The following SEC22C variants were observed in gnomAD, a reference collection of about 807,000 sequenced individuals.
SEC22C encodes vesicle-trafficking protein SEC22c.
In SEC22C, 29 loss-of-function variants were observed where a neutral mutation model predicts 34.7. The observed-to-expected ratio is 0.84, with a 90% CI of 0.62 to 1.14. The LOEUF (loss-of-function observed/expected upper bound fraction) is 1.14. SEC22C is among the 50% of genes most tolerant of loss of function. SEC22C has a pLI of 0.00. For synonymous variants in SEC22C, 117 were observed against 132.8 expected (o/e 0.88, Z 0.82); for missense variants, 337 against 369.0 (o/e 0.91, Z 0.71).
intron 4 of SEC22C, among the ~76,000 whole-genome samples, chr3:42,560,001 C>A (rs940228983): frequency 2.0e-5 from 3 of 151,532 alleles, no homozygotes; most frequent in Admixed American, 6.6e-5. Context: ...TGGCTCCAGC[C>A]CCCTGTCCAA....
At chr3:42,595,465 T>C (rs1360038594) in intron 1 of SEC22C, among the ~76,000 whole-genome samples, 1 of 152,220 alleles carries the variant, frequency 6.6e-6, no homozygotes. Flanking sequence ...TTAGCAGGAA[T>C]ATATTAGAAG....
intron 1 of SEC22C, among the ~76,000 whole-genome samples, chr3:42,589,959 C>T (rs1704760166): frequency 1.3e-5 from 2 of 152,132 alleles, no homozygotes; most frequent in African/African-American, 4.8e-5. Context: ...TGGGCAGTCC[C>T]GGGTTGTTAA....
chr3:42,560,251 AGAAT>A (rs1702819024), intron 4 of SEC22C, among the ~76,000 whole-genome samples: 1 of 147,830 alleles, frequency 6.8e-6, no homozygotes, highest in South Asian at 2.1e-4. Context: ...ATAGAAAAAG[AGAAT>A]GAATCTTCTT....
Position 42,548,692 on chromosome 3 carries a change from T to G in SEC22C, c.*4556A>C. ...ACCAAACATCAATGGTACCATGCGC[T>G]CTGTGCCCAGGGAGTGAAAGGCAGG... is the stretch of plus-strand genomic sequence containing the variant. On this transcript the variant is annotated 3_prime_UTR_variant, in exon 7 of 7. Coordinates refer to ENST00000264454, the MANE Select transcript of SEC22C (RefSeq NM_032970.4). The G allele has an allele frequency of 5.6e-6, 9 of 1,613,924 alleles. No individual in the cohort carries two copies. Among genetic ancestry groups the G allele is most frequent in the Non-Finnish European group, 7.6e-6 (9 of 1,179,940 alleles).
intron 1 of SEC22C, among the ~76,000 whole-genome samples, chr3:42,587,786 T>C (rs1489575871): frequency 6.6e-6 from 1 of 151,298 alleles, no homozygotes; most frequent in Non-Finnish European, 1.5e-5. Context: ...AAACCTTCGC[T>C]TTAGGCCAGG....
intron 5 of SEC22C, 21 bp downstream of exon 5, chr3:42,557,557 T>TAA (rs1553643864): frequency 5.4e-4 from 537 of 1,003,276 alleles, no homozygotes; most frequent in Admixed American, 1.9e-3. Flanking sequence ...TAAACTGTTT[T>TAA]AAAAAAAAAA....
chr3:42,556,694 A>C (rs1186249602), intron 5 of SEC22C, among the ~76,000 whole-genome samples: 1 of 152,120 alleles, frequency 6.6e-6, no homozygotes, highest in Non-Finnish European at 1.5e-5. Flanking sequence ...TGTTGATGCT[A>C]ATAATGGTTT....
intron 1 of SEC22C, among the ~76,000 whole-genome samples, chr3:42,596,468 C>T (rs1295411460): frequency 1.3e-5 from 2 of 152,194 alleles, no homozygotes; most frequent in African/African-American, 4.8e-5. Context: ...CCTGAAAATT[C>T]GTACTACCAG....
rs185599639 is a variant in SEC22C, at chr3:42,552,769, T to A, written c.*479A>T. 4.1e-6 allele frequency: 4 copies of A among 983,468 alleles called. No homozygotes were observed. The East Asian group carries it at 4.5e-4, about 112-fold the overall frequency. 60.9% of individuals were successfully genotyped at this position (983,468 alleles called of 1,614,324 possible). ...TTATCTAGCTTACATTTATGAACCA[T>A]ATTTTTAGGTTTTTAATTCATCCTG... is the stretch of plus-strand genomic sequence containing the variant. On this transcript the variant is annotated 3_prime_UTR_variant, in exon 7 of 7. Transcript: ENST00000264454.
In SEC22C at chr3:42,550,399, T is replaced by A. The variant is rs922036610; in HGVS notation, c.*2849A>T. ...GGAACCAGTTTGCTGGTATCAAGGATCACACAAGAGGCTATAAACCTCCAA... is the reference window on the plus strand; with the variant it reads ...GGAACCAGTTTGCTGGTATCAAGGAACACACAAGAGGCTATAAACCTCCAA... On this transcript the variant is annotated 3_prime_UTR_variant, in exon 7 of 7. Coordinates refer to ENST00000264454, the MANE Select transcript of SEC22C (RefSeq NM_032970.4). 2.0e-6 allele frequency: 2 copies of A among 985,306 alleles called. No individual in the cohort carries two copies. The highest frequency in any genetic ancestry group is 3.5e-5 in the African/African-American group (2 of 57,226). The allele number at this position is 985,306 out of a possible 1,614,324, so 61.0% of individuals were successfully genotyped here.
chr3:42,563,882 T>G, intron 2 of SEC22C, 196 bp from the exon 3 acceptor site: 1 of 1,469,706 alleles, frequency 6.8e-7, no homozygotes, highest in Non-Finnish European at 9.1e-7. Flanking sequence ...TTAAAATGTC[T>G]AGTAGTCTTA....
At chr3:42,582,948 T>G (rs1441835934), upstream of SEC22C, among the ~76,000 whole-genome samples, 2 of 152,208 alleles carry the variant, frequency 1.3e-5, no homozygotes, top group Non-Finnish European at 1.5e-5. Context: ...ATAGTAGTGA[T>G]GATCACACAA....
chr3:42,569,157 G>A lies in SEC22C; in HGVS notation c.-27-84C>T, dbSNP rs1703450739. 1.1e-5 allele frequency: 9 copies of A among 824,948 alleles called. No homozygotes were observed. In the South Asian group the frequency reaches 1.6e-4, roughly 14 times the overall value. 51.1% of individuals were successfully genotyped at this position (824,948 alleles called of 1,614,324 possible). On this transcript the variant is annotated intron_variant, in intron 1 of 6. Transcript: ENST00000264454. The stretch of plus-strand genomic sequence containing the variant: ...CCACCTGTGAAATGCCCACTCTAGG[G>A]TTTTTCACCCTCATTCTTACTATAA...
At chr3:42,569,757 T>A (rs1001225768) in intron 1 of SEC22C, among the ~76,000 whole-genome samples, 1 of 152,194 alleles carries the variant, frequency 6.6e-6, no homozygotes. Flanking sequence ...ATTACAGTGA[T>A]ATGTGAATAC....
chr3:42,591,347 C>T (rs1447245975), intron 1 of SEC22C: 3 of 603,238 alleles, frequency 5.0e-6, no homozygotes, highest in Non-Finnish European at 8.9e-6. Context: ...TACAGGAGCG[C>T]GACGCCACTC....
rs1309869415 is a variant in SEC22C, at chr3:42,548,254, C to G, written c.*4994G>C. On this transcript the variant is annotated 3_prime_UTR_variant, in exon 7 of 7. Transcript: ENST00000264454. The stretch of plus-strand genomic sequence containing the variant: ...TATTTTATGCTTTTAGTAGAAAAGC[C>G]CATTAAACAAAATAGAATCCTGGGG... 12 of 216,926 alleles carry G rather than the reference C, an allele frequency of 5.5e-5. No individual in the cohort carries two copies. Among genetic ancestry groups the G allele is most frequent in the African/African-American group, 2.7e-4 (12 of 44,072 alleles). 13.4% of individuals were successfully genotyped at this position (216,926 alleles called of 1,614,324 possible).
At chr3:42,562,056 A>G (rs951054989) in intron 3 of SEC22C, among the ~76,000 whole-genome samples, 23 of 152,240 alleles carry the variant, frequency 1.5e-4, no homozygotes, top group Admixed American at 3.3e-4. Context: ...CTAGGATTAT[A>G]TATTTGAAAA....
At chr3:42,579,536 AGG>A (rs1259889224) in intron 1 of SEC22C, 1 of 149,962 alleles carries the variant, frequency 6.7e-6, no homozygotes, top group Non-Finnish European at 1.5e-5. Flanking sequence ...CAGGAGGTCA[AGG>A]CTGCGTGAGC....
chr3:42,584,180 G>A (rs1704534519), upstream of SEC22C, among the ~76,000 whole-genome samples: 1 of 152,106 alleles, frequency 6.6e-6, no homozygotes, highest in South Asian at 2.1e-4. Flanking sequence ...CTCTCTCTCT[G>A]GAGAACCTTG....
Sources: gnomAD v4.1 joint callset for allele counts (sites outside exome capture counted in the v4.1 genomes callset) on GRCh38, gnomAD v4.1.1 for gene constraint, MANE v1.5 for transcripts, NCBI Gene and HGNC (gene_info 2026-07-23, HGNC 2026-07-21) for gene names.